The following ZMYM2 variants were observed in gnomAD, a reference collection of about 807,000 sequenced individuals.
The protein encoded by ZMYM2 is zinc finger MYM-type protein 2.
ZMYM2 carries 56 observed loss-of-function variants against 162.8 expected under a neutral mutation model. The ratio of observed to expected loss-of-function variants is 0.34; its 90% CI spans 0.28 to 0.43. The LOEUF is 0.43. Among genes scored for constraint, ZMYM2 ranks in the 20% least tolerant of loss-of-function variants. The pLI is 1.00. For synonymous variants in ZMYM2, 510 were observed against 541.6 expected (o/e 0.94, Z 0.81); for missense variants, 1,275 against 1,621.8 (o/e 0.79, Z 3.67).
intron 2 of ZMYM2, among the ~76,000 whole-genome samples, chr13:19,979,089 T>C (rs1957059757): frequency 6.6e-6 from 1 of 152,226 alleles, no homozygotes; most frequent in Non-Finnish European, 1.5e-5. Flanking sequence ...TTCTGGCTTC[T>C]ATAGTTTCTG....
intron 3 of ZMYM2, among the ~76,000 whole-genome samples, chr13:19,997,455 C>T (rs1275339916): frequency 6.6e-6 from 1 of 151,970 alleles, no homozygotes; most frequent in Non-Finnish European, 1.5e-5. Context: ...CTCTTTTTTA[C>T]TCAGTTTTGA....
intron 13 of ZMYM2, 84 bp from the exon 14 acceptor site, chr13:20,052,193 G>T: frequency 8.8e-7 from 1 of 1,140,314 alleles, no homozygotes; most frequent in Non-Finnish European, 1.2e-6. Context: ...ATTTTAAATT[G>T]GTGAAATTTA....
chr13:19,884,700 C>T, the ZMYM2 span, among the ~76,000 whole-genome samples: 5 of 152,224 alleles, frequency 3.3e-5, no homozygotes, highest in Admixed American at 2.0e-4. Context: ...TCGTTCCTTG[C>T]GGCGGATTCC....
At chr13:19,914,646 A>G in the ZMYM2 span, among the ~76,000 whole-genome samples, 164 of 152,336 alleles carry the variant, frequency 1.1e-3, no homozygotes, top group African/African-American at 3.8e-3. Context: ...GCTTCTGCCA[A>G]AACTACCATC....
chr13:20,025,386 C>T (rs1228952516), intron 7 of ZMYM2: 2 of 183,786 alleles, frequency 1.1e-5, no homozygotes, highest in Non-Finnish European at 2.3e-5. Flanking sequence ...GCTAGCCTTT[C>T]GTTTTTATTT....
chr13:19,901,412 G>A, the ZMYM2 span, among the ~76,000 whole-genome samples: 1 of 152,192 alleles, frequency 6.6e-6, no homozygotes, highest in South Asian at 2.1e-4. Flanking sequence ...TAAGCAAAAT[G>A]TGGTATATAC....
intron 3 of ZMYM2, among the ~76,000 whole-genome samples, chr13:19,998,276 C>T (rs1286446540): frequency 6.6e-6 from 1 of 152,084 alleles, no homozygotes; most frequent in African/African-American, 2.4e-5. Flanking sequence ...TTTTCTATTC[C>T]TAAAAAATTT....
At chr13:20,079,717 C>T (rs1379938848) in intron 21 of ZMYM2, among the ~76,000 whole-genome samples, 2 of 151,990 alleles carry the variant, frequency 1.3e-5, no homozygotes, top group African/African-American at 4.8e-5. Flanking sequence ...CCTAGAGAAA[C>T]CTTTTCAGGA....
rs1024228884 is a variant in ZMYM2 at position 20,083,845 on chromosome 13, C to G, written c.3941+69C>G. 1.0e-5 allele frequency: 15 copies of G among 1,460,306 alleles called. No individual in the cohort carries two copies. In the East Asian group the frequency reaches 2.4e-4, roughly 23 times the overall value. The allele number at this position is 1,460,306 out of a possible 1,614,324, so 90.5% of individuals were successfully genotyped here. ...TTGGCTGGTTTAAATTTAACATTACCAAGAAGTGACTTTTTTAGATGGATT... is the reference window on the plus strand; with the variant it reads ...TTGGCTGGTTTAAATTTAACATTACGAAGAAGTGACTTTTTTAGATGGATT... On this transcript the variant is annotated intron_variant, in intron 24 of 24. Transcript: ENST00000610343.
chr13:20,071,451 G>A (rs1957080306), intron 21 of ZMYM2, among the ~76,000 whole-genome samples: 1 of 152,236 alleles, frequency 6.6e-6, no homozygotes, highest in African/African-American at 2.4e-5. Context: ...CTAGGGCTGA[G>A]TTACAAAGTC....
chr13:20,039,197 T>C (rs1042557787), intron 12 of ZMYM2, among the ~76,000 whole-genome samples: 44 of 152,234 alleles, frequency 2.9e-4, no homozygotes, highest in Non-Finnish European at 1.8e-4. Context: ...TTTCTAGATA[T>C]AGGATCATGT....
At chr13:19,942,720 C>A in the ZMYM2 span, among the ~76,000 whole-genome samples, 12 of 151,754 alleles carry the variant, frequency 7.9e-5, no homozygotes, top group Non-Finnish European at 1.3e-4. Context: ...AAAAAAAAAT[C>A]AATCAATAAA....
At chr13:19,914,029 G>A in the ZMYM2 span, among the ~76,000 whole-genome samples, 1 of 152,178 alleles carries the variant, frequency 6.6e-6, no homozygotes, top group East Asian at 1.9e-4. Context: ...TTGGGACAAG[G>A]AATAGGTTGT....
chr13:19,883,484 T>A, the ZMYM2 span, among the ~76,000 whole-genome samples: 1 of 152,200 alleles, frequency 6.6e-6, no homozygotes, highest in Admixed American at 6.6e-5. Flanking sequence ...TTAGACAACG[T>A]GTAAAATAAA....
At chr13:19,970,160 AT>A in intron 2 of ZMYM2, 1 of 627,886 alleles carries the variant, frequency 1.6e-6, no homozygotes, top group Non-Finnish European at 2.0e-6. Flanking sequence ...TAGATCATAG[AT>A]TTGGAACACC....
At chr13:19,980,267 A>G (rs912683290) in intron 2 of ZMYM2, among the ~76,000 whole-genome samples, 2 of 152,158 alleles carry the variant, frequency 1.3e-5, no homozygotes, top group East Asian at 1.9e-4. Context: ...CAGTTGTTTT[A>G]TACTACTTTT....
At chr13:20,074,462 C>T (rs1022153643) in intron 21 of ZMYM2, among the ~76,000 whole-genome samples, 1 of 152,006 alleles carries the variant, frequency 6.6e-6, no homozygotes, top group Non-Finnish European at 1.5e-5. Context: ...TCTCGAACTC[C>T]TGGGCCCAAG....
At chr13:20,061,591 G>GTT (rs2140787494) in intron 17 of ZMYM2, among the ~76,000 whole-genome samples, 1 of 151,066 alleles carries the variant, frequency 6.6e-6, no homozygotes, top group South Asian at 2.1e-4. Flanking sequence ...TTTTTGTTTT[G>GTT]TTTTGTTTTT....
intron 7 of ZMYM2, among the ~76,000 whole-genome samples, chr13:20,020,374 A>G (rs1415576999): frequency 1.3e-5 from 2 of 151,706 alleles, no homozygotes; most frequent in Non-Finnish European, 2.9e-5. Flanking sequence ...AGCTGGGATT[A>G]CAGTCATGCA....
Sources: gnomAD v4.1 joint callset for allele counts (sites outside exome capture counted in the v4.1 genomes callset) on GRCh38, gnomAD v4.1.1 for gene constraint, MANE v1.5 for transcripts, NCBI Gene and HGNC (gene_info 2026-07-23, HGNC 2026-07-21) for gene names.